Variants in WWOX observed in about 807,000 individuals in gnomAD.
WWOX encodes the protein WW domain-containing oxidoreductase.
WWOX carries 69 observed loss-of-function variants against 46.2 expected under a neutral mutation model. The observed-to-expected ratio is 1.49, with a 90% CI of 1.23 to 1.82. The LOEUF (loss-of-function observed/expected upper bound fraction) is 1.82. Ranked by LOEUF, WWOX falls within the 40% of genes most tolerant of loss-of-function variation. The pLI, the probability that WWOX is intolerant of heterozygous loss-of-function variation, is 0.00. For synonymous variants in WWOX, 359 were observed against 202.6 expected (o/e 1.77, Z -6.56); for missense variants, 919 against 542.6 (o/e 1.69, Z -6.89).
intron 8 of WWOX, among the ~76,000 whole-genome samples, chr16:79,191,823 G>T (rs1049150045): frequency 6.6e-6 from 1 of 152,118 alleles, no homozygotes; most frequent in Non-Finnish European, 1.5e-5. Context: ...AGCGTCTAGG[G>T]GATATACACT....
chr16:78,370,770 CT>C (rs1316611092), intron 5 of WWOX, among the ~76,000 whole-genome samples: 4 of 66,206 alleles, frequency 6.0e-5, no homozygotes, highest in East Asian at 3.7e-4. Flanking sequence ...AAACTTTAAA[CT>C]TTTTTTCTTT....
At position 78,321,330 on chromosome 16, in the gene WWOX, ATATATGCGTATATATATACG is replaced by A. The variant is rs1567499113; in HGVS notation, c.517-65524_517-65505del. 4.8e-4 allele frequency among the ~76,000 whole-genome samples: 61 copies of A among 128,112 alleles called. 5 individuals carry two copies. The highest frequency in any genetic ancestry group is 1.6e-3 in the African/African-American group (50 of 31,740). 84.0% of individuals were successfully genotyped at this position (128,112 alleles called of 152,430 possible). ...TATATATATGCGTATATATATACGT[ATATATGCGTATATATATACG>A]TATATATGCGTATATATATACGTAT... On this transcript the variant is annotated intron_variant, in intron 5 of 8. Transcript: ENST00000566780.
At chr16:78,847,183 T>G (rs900324706) in intron 8 of WWOX, among the ~76,000 whole-genome samples, 8 of 152,342 alleles carry the variant, frequency 5.3e-5, no homozygotes, top group Admixed American at 2.0e-4. Flanking sequence ...AGAATCATAT[T>G]TAGAACTAAG....
intron 8 of WWOX, among the ~76,000 whole-genome samples, chr16:78,772,751 G>T (rs1034301117): frequency 6.6e-6 from 1 of 152,172 alleles, no homozygotes; most frequent in South Asian, 2.1e-4. Flanking sequence ...AGGCGCGGTG[G>T]CTCACACCTG....
chr16:78,821,189 G>T (rs1388916863), intron 8 of WWOX, among the ~76,000 whole-genome samples: 1 of 152,126 alleles, frequency 6.6e-6, no homozygotes, highest in Non-Finnish European at 1.5e-5. Context: ...GTTGGGAATT[G>T]TGGCTTCACA....
Position 78,902,392 on chromosome 16 carries a change from G to A in WWOX, c.1057-309216G>A, listed in dbSNP as rs570617431. Among the ~76,000 whole-genome samples, 200 of 152,352 alleles carry A rather than the reference G, an allele frequency of 1.3e-3. 1 individual carries two copies. In the Middle Eastern group the frequency reaches 0.014, roughly 10 times the overall value. ...CTGATTAATTACCTCAAGGACAAGG[G>A]GACGGTGACTTTTTCTCTTGTATCC... On this transcript the variant is annotated intron_variant, in intron 8 of 8. Coordinates refer to ENST00000566780, the MANE Select transcript of WWOX (RefSeq NM_016373.4).
intron 8 of WWOX, among the ~76,000 whole-genome samples, chr16:78,924,271 C>G (rs1193559647): frequency 1.3e-5 from 2 of 152,082 alleles, no homozygotes; most frequent in East Asian, 1.9e-4. Flanking sequence ...TGTGGTTAGA[C>G]AAGTTTTATA....
At chr16:79,046,589 TC>T (rs2048069698) in intron 8 of WWOX, among the ~76,000 whole-genome samples, 1 of 152,078 alleles carries the variant, frequency 6.6e-6, no homozygotes, top group African/African-American at 2.4e-5. Context: ...GGGGAGTGTT[TC>T]TCCCAGTTCC....
intron 8 of WWOX, among the ~76,000 whole-genome samples, chr16:79,128,394 A>G (rs1439038278): frequency 6.6e-6 from 1 of 152,162 alleles, no homozygotes; most frequent in Non-Finnish European, 1.5e-5. Context: ...AACAAAAAAA[A>G]AAACACTAAA....
At chr16:79,020,324 G>C (rs1282325071) in intron 8 of WWOX, among the ~76,000 whole-genome samples, 2 of 152,184 alleles carry the variant, frequency 1.3e-5, no homozygotes, top group African/African-American at 4.8e-5. Context: ...GGGGTTTTGT[G>C]ATCAAAACTA....
chr16:78,461,291 C>T (rs1475217606), intron 8 of WWOX, among the ~76,000 whole-genome samples: 2 of 152,156 alleles, frequency 1.3e-5, no homozygotes, highest in South Asian at 4.1e-4. Context: ...CATTCTGAGT[C>T]ATCGTCTGCT....
chr16:78,798,965 T>C (rs1335289119), intron 8 of WWOX, among the ~76,000 whole-genome samples: 1 of 152,174 alleles, frequency 6.6e-6, no homozygotes, highest in African/African-American at 2.4e-5. Context: ...GGTGCCTTTC[T>C]TGGTCTATTA....
chr16:78,809,827 A>C (rs2051140938), intron 8 of WWOX, among the ~76,000 whole-genome samples: 1 of 152,138 alleles, frequency 6.6e-6, no homozygotes, highest in Admixed American at 6.5e-5. Context: ...CTCTTGGGTC[A>C]CTGTTCCCAG....
chr16:79,033,339 A>G (rs936697522), intron 8 of WWOX, among the ~76,000 whole-genome samples: 2 of 148,842 alleles, frequency 1.3e-5, no homozygotes, highest in Non-Finnish European at 3.0e-5. Context: ...TATATATATT[A>G]CATATACATA....
At chr16:79,117,875 G>T (rs1044998475) in intron 8 of WWOX, among the ~76,000 whole-genome samples, 1 of 152,172 alleles carries the variant, frequency 6.6e-6, no homozygotes, top group Admixed American at 6.5e-5. Flanking sequence ...CCTTGCTCTG[G>T]ATTAGATTTT....
Position 78,234,771 on chromosome 16 carries a change from TAAAAC to T in WWOX, c.516+70502_516+70506del, listed in dbSNP as rs772951422. Among the ~76,000 whole-genome samples, 94 of 132,652 alleles carry T rather than the reference TAAAAC, an allele frequency of 7.1e-4. No individual in the cohort carries two copies. The South Asian group carries it at 0.014, about 20-fold the overall frequency. 87.0% of individuals were successfully genotyped at this position (132,652 alleles called of 152,430 possible). A position where few individuals can be genotyped will look rare whatever the true frequency, so the allele number is the denominator to read the frequency against. ...TATTTTTAAAATAGAGGTACAATGA[TAAAAC>T]AAAACAAAACAAAACAAAAAAACAA... On this transcript the variant is annotated intron_variant, in intron 5 of 8. Transcript: ENST00000566780.
chr16:78,310,928 A>G (rs1413607619), intron 5 of WWOX, among the ~76,000 whole-genome samples: 1 of 152,214 alleles, frequency 6.6e-6, no homozygotes, highest in South Asian at 2.1e-4. Context: ...CAGGCTTGGC[A>G]TCGGAGTGGA....
At chr16:78,244,790 A>G (rs2037765233) in intron 5 of WWOX, among the ~76,000 whole-genome samples, 1 of 152,104 alleles carries the variant, frequency 6.6e-6, no homozygotes, top group Non-Finnish European at 1.5e-5. Flanking sequence ...TATCCAGTGA[A>G]TTCTCATAGG....
intron 8 of WWOX, among the ~76,000 whole-genome samples, chr16:78,827,763 T>C (rs6564602): frequency 0.85 from 128,983 of 152,072 alleles, 55,060 homozygotes; most frequent in African/African-American, 0.93. Context: ...ATCACTTGAA[T>C]CTGGGAGGCA....
Sources: gnomAD v4.1 joint callset for allele counts (sites outside exome capture counted in the v4.1 genomes callset) on GRCh38, gnomAD v4.1.1 for gene constraint, MANE v1.5 for transcripts, NCBI Gene and HGNC (gene_info 2026-07-23, HGNC 2026-07-21) for gene names.